The following CDH4 variants were observed in gnomAD, a reference collection of about 807,000 sequenced individuals.
The protein encoded by CDH4 is cadherin-4.
A neutral mutation model predicts 86.0 loss-of-function variants in CDH4; 33 were observed. That is an observed-to-expected ratio of 0.38 (90% CI 0.29 to 0.51). The LOEUF is 0.51. Ranked by LOEUF, CDH4 falls within the 20% of genes least tolerant of loss-of-function variation. The probability of loss-of-function intolerance (pLI) is 0.86; values close to 1 mark genes in which losing one functional copy is unlikely to be tolerated. For synonymous variants in CDH4, 555 were observed against 549.4 expected, an observed-to-expected ratio of 1.01 and a Z score of -0.14; for missense variants, 1,114 against 1,307.4, an observed-to-expected ratio of 0.85 and a Z score of 2.28.
intron 2 of CDH4, among the ~76,000 whole-genome samples, chr20:61,733,300 GC>G (rs1568784465): frequency 6.6e-6 from 1 of 152,074 alleles, no homozygotes; most frequent in African/African-American, 2.4e-5. Context: ...TGTGGTCCAC[GC>G]CCACCAGGTT....
chr20:61,926,770 G>T (rs781759931), intron 11 of CDH4, among the ~76,000 whole-genome samples: 4 of 152,226 alleles, frequency 2.6e-5, no homozygotes, highest in Non-Finnish European at 5.9e-5. Context: ...CTATTCGGGA[G>T]GCTGAGGCAG....
intron 2 of CDH4, among the ~76,000 whole-genome samples, chr20:61,347,782 C>T (rs577975200): frequency 9.2e-5 from 14 of 152,276 alleles, no homozygotes; most frequent in African/African-American, 3.1e-4. Context: ...TTTCCTGGTT[C>T]GGCACGGGAC....
intron 2 of CDH4, among the ~76,000 whole-genome samples, chr20:61,450,111 A>T (rs1230967997): frequency 6.6e-6 from 1 of 152,250 alleles, no homozygotes; most frequent in East Asian, 1.9e-4. Context: ...ATGTCATTAC[A>T]ATCAAAACTA....
At chr20:61,650,158 A>G (rs2087106591) in intron 2 of CDH4, among the ~76,000 whole-genome samples, 1 of 152,190 alleles carries the variant, frequency 6.6e-6, no homozygotes, top group South Asian at 2.1e-4. Context: ...ACCAAAAATT[A>G]GATCATGTGA....
intron 2 of CDH4, among the ~76,000 whole-genome samples, chr20:61,603,023 G>T (rs908707432): frequency 2.0e-5 from 3 of 152,212 alleles, no homozygotes; most frequent in African/African-American, 7.2e-5. Flanking sequence ...CAACCATTTT[G>T]CACCTTATAC....
In CDH4 at chr20:61,556,381, G is replaced by T. The variant is rs189289551; in HGVS notation, c.170-187182G>T. On this transcript the variant is annotated intron_variant, in intron 2 of 15. Transcript: ENST00000614565. ...AGAGGCTCCGGGGGGCAGGGGTGGA[G>T]ACGGGGATGACACAGTCCTCCAGGC... 3.1e-3 allele frequency among the ~76,000 whole-genome samples: 472 copies of T among 152,262 alleles called. 4 individuals carry two copies. The highest frequency in any genetic ancestry group is 0.015 in the Admixed American group (231 of 15,306).
At chr20:61,868,099 G>A (rs531724790) in intron 6 of CDH4, among the ~76,000 whole-genome samples, 8 of 152,316 alleles carry the variant, frequency 5.3e-5, no homozygotes, top group East Asian at 1.9e-4. Context: ...AGCATAAACC[G>A]CAGAATGGAT....
At chr20:61,725,554 C>G (rs969097096) in intron 2 of CDH4, among the ~76,000 whole-genome samples, 1 of 152,154 alleles carries the variant, frequency 6.6e-6, no homozygotes, top group Admixed American at 6.5e-5. Flanking sequence ...AATTGTGACT[C>G]CCTCCAGTCT....
chr20:61,782,561 A>G (rs916492239), intron 4 of CDH4, among the ~76,000 whole-genome samples: 2 of 152,232 alleles, frequency 1.3e-5, no homozygotes, highest in Non-Finnish European at 2.9e-5. Flanking sequence ...AAGCAAAAGT[A>G]CAGCATTGTA....
At chr20:61,890,999 A>G (rs1984794816) in intron 7 of CDH4, among the ~76,000 whole-genome samples, 1 of 152,100 alleles carries the variant, frequency 6.6e-6, no homozygotes, top group Non-Finnish European at 1.5e-5. Flanking sequence ...TAATGAGAGA[A>G]GCAAAATCAA....
At chr20:61,451,386 C>G (rs1269478639) in intron 2 of CDH4, among the ~76,000 whole-genome samples, 1 of 152,150 alleles carries the variant, frequency 6.6e-6, no homozygotes, top group Non-Finnish European at 1.5e-5. Context: ...AGGATTGTTG[C>G]TTACTTGAAG....
intron 2 of CDH4, among the ~76,000 whole-genome samples, chr20:61,296,265 GT>G (rs2084352302): frequency 2.3e-4 from 2 of 8,876 alleles, no homozygotes; most frequent in Non-Finnish European, 1.1e-3. Flanking sequence ...ATGTGTGCGT[GT>G]GTGTGTGTGC....
At chr20:61,615,694 A>G (rs2086719583) in intron 2 of CDH4, among the ~76,000 whole-genome samples, 1 of 152,200 alleles carries the variant, frequency 6.6e-6, no homozygotes, top group African/African-American at 2.4e-5. Flanking sequence ...CCCAAGAGAC[A>G]TTGTCATTAT....
intron 9 of CDH4, among the ~76,000 whole-genome samples, chr20:61,919,998 TGTG>T (rs1356341082): frequency 1.5e-4 from 13 of 84,784 alleles, no homozygotes; most frequent in African/African-American, 5.0e-4. Flanking sequence ...TGCATGGAAG[TGTG>T]GTGTCACAGT....
chr20:61,765,370 G>A (rs758373886), intron 3 of CDH4, among the ~76,000 whole-genome samples: 30 of 152,108 alleles, frequency 2.0e-4, no homozygotes, highest in African/African-American at 6.3e-4. Context: ...GGCTCTGTTC[G>A]ACCGATGGAC....
At chr20:61,908,305 T>C (rs2054813580) in intron 8 of CDH4, among the ~76,000 whole-genome samples, 1 of 152,214 alleles carries the variant, frequency 6.6e-6, no homozygotes, top group African/African-American at 2.4e-5. Context: ...TGTGCATTTA[T>C]ATGAAGGCTA....
chr20:61,469,774 A>G (rs2085492238), intron 2 of CDH4, among the ~76,000 whole-genome samples: 1 of 152,174 alleles, frequency 6.6e-6, no homozygotes, highest in South Asian at 2.1e-4. Context: ...ATTCTTCTGC[A>G]TATGGATATC....
intron 4 of CDH4, among the ~76,000 whole-genome samples, chr20:61,785,743 CCCTTT>C (rs1184674476): frequency 5.9e-5 from 9 of 152,344 alleles, no homozygotes; most frequent in Non-Finnish European, 1.2e-4. Flanking sequence ...CAGGACACCT[CCCTTT>C]CAAGGAGCCA....
chr20:61,579,675 C>T (rs1288918201), intron 2 of CDH4, among the ~76,000 whole-genome samples: 1 of 152,104 alleles, frequency 6.6e-6, no homozygotes, highest in Non-Finnish European at 1.5e-5. Context: ...GCTTATCTCC[C>T]ACAACCCCCA....
Sources: gnomAD v4.1 joint callset for allele counts (sites outside exome capture counted in the v4.1 genomes callset) on GRCh38, gnomAD v4.1.1 for gene constraint, MANE v1.5 for transcripts, NCBI Gene and HGNC (gene_info 2026-07-23, HGNC 2026-07-21) for gene names.